The following ZFR2 variants were observed in gnomAD, a reference collection of about 807,000 sequenced individuals.
ZFR2 encodes the protein zinc finger RNA binding protein 2.
In ZFR2, 104 loss-of-function variants were observed where a neutral mutation model predicts 105.7. The observed-to-expected ratio is 0.98, with a 90% confidence interval of 0.84 to 1.16. The LOEUF (loss-of-function observed/expected upper bound fraction) is 1.16. Among genes scored for constraint, ZFR2 ranks in the 50% most tolerant of loss-of-function variants. The pLI is 0.00. For synonymous variants in ZFR2, 634 were observed against 597.7 expected (o/e 1.06, Z -0.89); for missense variants, 1,425 against 1,355.5 (o/e 1.05, Z -0.80).
chr19:3,806,078 GC>G lies in ZFR2; in HGVS notation c.2690del (p.Gly897AlafsTer81). On this transcript the variant is annotated frameshift_variant, in exon 19 of 19. Coordinates refer to ENST00000262961, the MANE Select transcript of ZFR2 (RefSeq NM_015174.2). LOFTEE classifies it low-confidence loss of function (END_TRUNC). ...LAFRQTHKVL[G>X]MDLLPPRHRL... ...GGTGTCTGGGCGGCAGGAGATCCAT[GC>G]CCAGGACCTTGTGGGTCTGCCGGAA... 1 of 1,514,970 alleles carries G rather than the reference GC, an allele frequency of 6.6e-7. No homozygotes were observed. Among genetic ancestry groups the G allele is most frequent in the Non-Finnish European group, 8.8e-7 (1 of 1,131,950 alleles). The allele number at this position is 1,514,970 out of a possible 1,614,324, so 93.8% of individuals were successfully genotyped here. A position where few individuals can be genotyped will look rare whatever the true frequency, so the allele number is the denominator to read the frequency against.
intron 17 of ZFR2, among the ~76,000 whole-genome samples, chr19:3,807,835 T>C (rs1042162325): frequency 3.5e-5 from 5 of 144,172 alleles, no homozygotes; most frequent in African/African-American, 7.8e-5. Flanking sequence ...TGTGCACTCA[T>C]TCCATGTGTG....
intron 13 of ZFR2, among the ~76,000 whole-genome samples, chr19:3,816,050 T>C (rs2037821955): frequency 6.6e-6 from 1 of 151,750 alleles, no homozygotes; most frequent in Non-Finnish European, 1.5e-5. Flanking sequence ...CCACCCCGGC[T>C]GGCCCATGCT....
chr19:3,855,923 A>T (rs1272155332), intron 1 of ZFR2, among the ~76,000 whole-genome samples: 1 of 152,138 alleles, frequency 6.6e-6, no homozygotes, highest in Non-Finnish European at 1.5e-5. Context: ...AGGCCATCGT[A>T]GGGGCTCCAG....
chr19:3,809,340 G>A (rs1282600344), intron 16 of ZFR2, among the ~76,000 whole-genome samples: 6 of 152,052 alleles, frequency 3.9e-5, no homozygotes, highest in East Asian at 1.9e-4. Context: ...CAGTTTCCCC[G>A]GCCGGTCCAC....
At position 3,804,684 on chromosome 19, in the gene ZFR2, C is replaced by T. The variant is rs2037678869; in HGVS notation, c.*1265G>A. On this transcript the variant is annotated 3_prime_UTR_variant, in exon 19 of 19. Transcript: ENST00000262961. ...CACAGGGGACGAGCCTGGCTCAGGC[C>T]CTGCTGACATCCTGGCTGTGGAGGT... is the stretch of plus-strand genomic sequence containing the variant. The T allele has an allele frequency of 6.9e-6, 1 of 144,284 alleles. No homozygotes were observed. The highest frequency in any genetic ancestry group is 7.3e-5 in the Admixed American group (1 of 13,684). 8.9% of individuals were successfully genotyped at this position (144,284 alleles called of 1,614,324 possible). A position where few individuals can be genotyped will look rare whatever the true frequency, so the allele number is the denominator to read the frequency against.
intron 17 of ZFR2, among the ~76,000 whole-genome samples, chr19:3,807,556 C>CAT (rs59049552): frequency 0.51 from 77,259 of 151,946 alleles, 20,174 homozygotes; most frequent in African/African-American, 0.62. Context: ...CATACGCTGA[C>CAT]GTGTGTGTCC....
At chr19:3,837,364 AT>A (rs1568427025) in intron 1 of ZFR2, among the ~76,000 whole-genome samples, 4 of 151,330 alleles carry the variant, frequency 2.6e-5, no homozygotes, top group African/African-American at 7.3e-5. Context: ...CACCATGACC[AT>A]GACACTCGAT....
intron 6 of ZFR2, among the ~76,000 whole-genome samples, chr19:3,827,105 G>T (rs552504193): frequency 6.6e-6 from 1 of 152,090 alleles, no homozygotes; most frequent in Non-Finnish European, 1.5e-5. Context: ...AGCCGGGTGC[G>T]GTGGCGGATG....
intron 5 of ZFR2, among the ~76,000 whole-genome samples, chr19:3,828,988 G>C (rs1446709999): frequency 5.4e-5 from 8 of 148,550 alleles, no homozygotes; most frequent in Non-Finnish European, 1.2e-4. Flanking sequence ...TTAAGACGGA[G>C]TCTTGCTCTG....
At position 3,834,702 on chromosome 19, in the gene ZFR2, G is replaced by T; in HGVS notation, c.264+71C>A. The stretch of plus-strand genomic sequence containing the variant: ...CTGGGAGAAGGAGTAGCTGTGGGAA[G>T]CCCACCGCTCTCACCCATGCAAGGC... On this transcript the variant is annotated intron_variant, in intron 2 of 18. Transcript: ENST00000262961. The surrounding 1 kb of genome is among the most constrained non-coding windows in gnomAD (Gnocchi z 5.3). The T allele has an allele frequency of 6.8e-7, 1 of 1,466,846 alleles. No homozygotes were observed. The highest frequency in any genetic ancestry group is 9.4e-7 in the Non-Finnish European group (1 of 1,067,958). 90.9% of individuals were successfully genotyped at this position (1,466,846 alleles called of 1,614,324 possible). A position where few individuals can be genotyped will look rare whatever the true frequency, so the allele number is the denominator to read the frequency against.
rs1293561402 is a variant in ZFR2, at chr19:3,816,757, C to T, written c.2020G>A (p.Val674Met). 2.2e-5 allele frequency: 35 copies of T among 1,611,942 alleles called. No homozygotes were observed. Among genetic ancestry groups the T allele is most frequent in the Non-Finnish European group, 2.8e-5 (33 of 1,179,628 alleles). Residue 674 changes from valine (V) to methionine (M), a missense_variant, in exon 13 of 19, where the codon GTG (valine) becomes ATG (methionine). Physicochemically the swap from Val to Met is conservative, Grantham distance 21. Coordinates refer to ENST00000262961, the MANE Select transcript of ZFR2 (RefSeq NM_015174.2). ...KGLLLRGDRN[V>M]RLALLCSEKP... Reference sequence around the variant, plus strand: ...TCGGAGCAGAGCAGAGCGAGGCGCACGTTCCTGTCCCCACGCAGGAGGAGG... The same window carrying T: ...TCGGAGCAGAGCAGAGCGAGGCGCATGTTCCTGTCCCCACGCAGGAGGAGG...
chr19:3,827,792 G>A (rs1225586121), intron 5 of ZFR2, 139 bp from the exon 6 acceptor site: 2 of 901,862 alleles, frequency 2.2e-6, no homozygotes, highest in African/African-American at 1.7e-5. Context: ...ATTCCCTGGT[G>A]CCATGGAGGT....
intron 3 of ZFR2, among the ~76,000 whole-genome samples, chr19:3,833,102 A>T (rs1285490466): frequency 6.6e-6 from 1 of 151,834 alleles, no homozygotes; most frequent in Non-Finnish European, 1.5e-5. Context: ...GAAAAAAATT[A>T]GCCAGGCATG....
intron 1 of ZFR2, chr19:3,855,311 A>T: frequency 8.6e-7 from 1 of 1,166,942 alleles, no homozygotes; most frequent in Non-Finnish European, 1.1e-6. Flanking sequence ...AGCTGAAAAA[A>T]AAAGTCATTA....
intron 1 of ZFR2, among the ~76,000 whole-genome samples, chr19:3,867,608 T>C (rs1032366823): frequency 1.3e-5 from 2 of 151,730 alleles, no homozygotes; most frequent in Non-Finnish European, 1.5e-5. Context: ...TAGAAAAGGA[T>C]CTTAAATATC....
intron 1 of ZFR2, chr19:3,852,605 C>T: frequency 1.4e-6 from 1 of 718,452 alleles, no homozygotes; most frequent in East Asian, 2.7e-5. Flanking sequence ...GAGTGGTCTC[C>T]ACTTCTGGAC....
In ZFR2 at chr19:3,810,730, G is replaced by C. The variant is rs1353435293; in HGVS notation, c.2433+20C>G. On this transcript the variant is annotated intron_variant, in intron 16 of 18. Coordinates refer to ENST00000262961, the MANE Select transcript of ZFR2 (RefSeq NM_015174.2). ...CTTGGGGGTCCCAGTGGAGGGCCGGGCCGCCAGGCACTGCCTTACCCAGGC... is the reference window on the plus strand; with the variant it reads ...CTTGGGGGTCCCAGTGGAGGGCCGGCCCGCCAGGCACTGCCTTACCCAGGC... 10 of 1,544,202 alleles carry C rather than the reference G, an allele frequency of 6.5e-6. No homozygotes were observed. The highest frequency in any genetic ancestry group is 8.7e-6 in the Non-Finnish European group (10 of 1,143,286).
chr19:3,808,101 ATGTG>A (rs1224494128), intron 17 of ZFR2, among the ~76,000 whole-genome samples: 3 of 120,492 alleles, frequency 2.5e-5, no homozygotes, highest in East Asian at 5.8e-4. Context: ...GTGTGCCTGT[ATGTG>A]TGCTCATATC....
At chr19:3,824,261 C>T (rs1278752539) in intron 7 of ZFR2, among the ~76,000 whole-genome samples, 1 of 152,136 alleles carries the variant, frequency 6.6e-6, no homozygotes, top group Non-Finnish European at 1.5e-5. Context: ...GATTGCACCT[C>T]TGCACTCCAG....
Sources: allele counts gnomAD v4.1 joint callset (sites outside exome capture counted in the v4.1 genomes callset), GRCh38; gene constraint gnomAD v4.1.1; non-coding constraint Gnocchi (gnomAD v3.1); transcripts MANE v1.5; gene names NCBI Gene and HGNC (gene_info 2026-07-23, HGNC 2026-07-21).